ESRRG: variants seen among roughly 807,000 people sequenced by gnomAD.
The protein encoded by ESRRG is estrogen related receptor gamma.
In ESRRG, 13 loss-of-function variants were observed where a neutral mutation model predicts 44.0. That is an observed-to-expected ratio of 0.30 (90% CI 0.19 to 0.47). ESRRG has a LOEUF of 0.47. ESRRG is among the 20% of genes least tolerant of loss of function. The pLI, the probability that ESRRG is intolerant of heterozygous loss-of-function variation, is 1.00. For missense variants in ESRRG, 395 were observed against 580.6 expected (o/e 0.68, Z 3.29); for synonymous variants, 215 against 214.6 (o/e 1.00, Z -0.02).
Position 216,857,668 on chromosome 1 carries a change from G to T in ESRRG, c.-14+81914C>A, listed in dbSNP as rs149427752. ...GGGGACCATGCTAGAGAGTCACAGG[G>T]CATTCTGAAAACTAAGTCTAGTCCA... On this transcript the variant is annotated intron_variant, in intron 2 of 7. Coordinates refer to the ESRRG transcript ENST00000359162. Among the ~76,000 whole-genome samples, 134 of 150,986 alleles carry T rather than the reference G, an allele frequency of 8.9e-4. 1 individual carries two copies. In the East Asian group the frequency reaches 0.021, roughly 23 times the overall value.
chr1:216,790,547 T>A (rs1012771439), intron 2 of ESRRG, among the ~76,000 whole-genome samples: 5 of 152,138 alleles, frequency 3.3e-5, no homozygotes, highest in African/African-American at 1.2e-4. Context: ...AAGGTTTGGA[T>A]AGGATTTTTA....
chr1:216,553,152 G>C (rs983290071), intron 5 of ESRRG, among the ~76,000 whole-genome samples: 1 of 151,676 alleles, frequency 6.6e-6, no homozygotes, highest in African/African-American at 2.4e-5. Context: ...GGAAGAGTTA[G>C]TTTCTCCAGG....
chr1:217,026,830 A>G (rs1001073096), intron 1 of ESRRG, among the ~76,000 whole-genome samples: 1 of 150,744 alleles, frequency 6.6e-6, no homozygotes, highest in Non-Finnish European at 1.5e-5. Context: ...CAAAAGGACC[A>G]CCCTGCCAAT....
intron 1 of ESRRG, among the ~76,000 whole-genome samples, chr1:217,074,190 G>T (rs2090964197): frequency 6.6e-6 from 1 of 151,768 alleles, no homozygotes; most frequent in African/African-American, 2.4e-5. Context: ...TGAGATTACA[G>T]GTGCCCACCA....
intron 2 of ESRRG, among the ~76,000 whole-genome samples, chr1:216,826,354 T>C (rs2148678162): frequency 6.6e-6 from 1 of 152,230 alleles, no homozygotes; most frequent in South Asian, 2.1e-4. Context: ...ACGTACAGTG[T>C]AGAATAATGA....
chr1:217,053,582 G>T (rs939496957), intron 1 of ESRRG, among the ~76,000 whole-genome samples: 1 of 152,176 alleles, frequency 6.6e-6, no homozygotes, highest in Non-Finnish European at 1.5e-5. Context: ...GTCATTAGAT[G>T]TCCATAGATT....
intron 2 of ESRRG, among the ~76,000 whole-genome samples, chr1:216,795,026 T>C (rs1421246308): frequency 6.6e-6 from 1 of 152,084 alleles, no homozygotes; most frequent in Non-Finnish European, 1.5e-5. Context: ...CACTAAAATA[T>C]TAAAAGAGAA....
At chr1:216,518,386 T>C (rs1027428184) in intron 6 of ESRRG, among the ~76,000 whole-genome samples, 5 of 152,008 alleles carry the variant, frequency 3.3e-5, no homozygotes, top group Admixed American at 6.6e-5. Flanking sequence ...CAAAAGCAGA[T>C]GGAGGGGCAC....
chr1:216,532,297 T>C (rs2049619136), intron 5 of ESRRG, among the ~76,000 whole-genome samples: 1 of 152,110 alleles, frequency 6.6e-6, no homozygotes, highest in Non-Finnish European at 1.5e-5. Context: ...TCCACTTAAT[T>C]AGATATCAAA....
intron 5 of ESRRG, among the ~76,000 whole-genome samples, chr1:216,535,318 C>T (rs1426169073): frequency 6.6e-6 from 1 of 151,996 alleles, no homozygotes; most frequent in East Asian, 1.9e-4. Context: ...ATGGTATGCT[C>T]CAGACTAAAC....
intron 1 of ESRRG, chr1:217,076,721 C>G (rs983896479): frequency 5.3e-5 from 8 of 152,166 alleles, no homozygotes; most frequent in African/African-American, 1.9e-4. Context: ...CATTTAAAAG[C>G]TAAGGAACGA....
At chr1:217,050,843 T>C (rs1195402804) in intron 1 of ESRRG, among the ~76,000 whole-genome samples, 2 of 152,152 alleles carry the variant, frequency 1.3e-5, no homozygotes, top group Non-Finnish European at 2.9e-5. Context: ...TGGGCTTGAA[T>C]GTCAGTACGG....
chr1:216,681,122 C>G (rs942375446), intron 1 of ESRRG, among the ~76,000 whole-genome samples: 2 of 151,956 alleles, frequency 1.3e-5, no homozygotes, highest in African/African-American at 4.8e-5. Context: ...TATTTTAAAG[C>G]CTTAGTATGG....
At chr1:217,028,788 A>C (rs1230217662) in intron 1 of ESRRG, among the ~76,000 whole-genome samples, 1 of 152,176 alleles carries the variant, frequency 6.6e-6, no homozygotes, top group East Asian at 1.9e-4. Context: ...CTAGCACAGA[A>C]TTCATTGATG....
At chr1:216,534,589 T>A (rs573024668) in intron 5 of ESRRG, among the ~76,000 whole-genome samples, 4 of 152,250 alleles carry the variant, frequency 2.6e-5, no homozygotes, top group Admixed American at 2.6e-4. Context: ...ACTAAAACGT[T>A]TGTAGTTCAC....
chr1:216,940,707 A>C (rs1257663039), intron 1 of ESRRG, among the ~76,000 whole-genome samples: 1 of 152,190 alleles, frequency 6.6e-6, no homozygotes, highest in Non-Finnish European at 1.5e-5. Context: ...AGACCCTCAG[A>C]GGGACCTCTA....
intron 2 of ESRRG, among the ~76,000 whole-genome samples, chr1:216,900,807 G>C (rs1437912349): frequency 6.6e-6 from 1 of 152,154 alleles, no homozygotes; most frequent in Non-Finnish European, 1.5e-5. Flanking sequence ...AAATTGCAAA[G>C]TGTACACTGG....
chr1:216,920,276 A>G (rs2061664182), intron 2 of ESRRG, among the ~76,000 whole-genome samples: 1 of 152,176 alleles, frequency 6.6e-6, no homozygotes, highest in Admixed American at 6.5e-5. Flanking sequence ...CAGGGAAAAT[A>G]ATGATTTAAA....
intron 1 of ESRRG, among the ~76,000 whole-genome samples, chr1:217,070,378 C>T (rs1488956511): frequency 6.7e-6 from 1 of 150,334 alleles, no homozygotes; most frequent in African/African-American, 2.5e-5. Flanking sequence ...AGAAAATCTC[C>T]AAAGTTAATT....
Sources: allele counts gnomAD v4.1 joint callset (sites outside exome capture counted in the v4.1 genomes callset), GRCh38; gene constraint gnomAD v4.1.1; transcripts MANE v1.5; gene names NCBI Gene and HGNC (gene_info 2026-07-23, HGNC 2026-07-21).